The following C9 variants were observed in gnomAD, a reference collection of about 807,000 sequenced individuals.
C9 encodes the protein complement component C9.
Under a neutral mutation model 65.4 loss-of-function variants are expected in C9, and 63 were observed. That is an observed-to-expected ratio of 0.96 (90% CI 0.79 to 1.19). C9 has a LOEUF of 1.19. Ranked by LOEUF, C9 falls within the 50% of genes most tolerant of loss-of-function variation. The pLI, the probability that C9 is intolerant of heterozygous loss-of-function variation, is 0.00. For missense variants in C9, 744 were observed against 670.1 expected (o/e 1.11, Z -1.22); for synonymous variants, 229 against 227.9 (o/e 1.00, Z -0.04).
At chr5:39,361,409 G>T (rs1330770197) in intron 1 of C9, among the ~76,000 whole-genome samples, 2 of 152,074 alleles carry the variant, frequency 1.3e-5, no homozygotes, top group South Asian at 2.1e-4. Flanking sequence ...TTTTATTTTT[G>T]ATCTTTGAAC....
At position 39,343,436 on chromosome 5, in the gene C9, T is replaced by C. The variant is rs372008674; in HGVS notation, c.78-1240A>G. Among the ~76,000 whole-genome samples the C allele has an allele frequency of 5.8e-4, 89 of 152,254 alleles. 3 individuals carry two copies. The South Asian group carries it at 0.017, about 30-fold the overall frequency. On this transcript the variant is annotated intron_variant, in intron 1 of 10. Transcript: ENST00000263408. ...CATGGAGACTTGCTCATTGCTAGCA[T>C]AGCAGTCTGAGATCAAACTGCAAGG...
intron 1 of C9, among the ~76,000 whole-genome samples, chr5:39,352,123 A>G (rs970668246): frequency 2.0e-4 from 31 of 152,216 alleles, no homozygotes; most frequent in Non-Finnish European, 3.2e-4. Flanking sequence ...GGCAGGAGAC[A>G]GAGAGTGAAG....
At chr5:39,320,329 A>C (rs1753644632) in intron 5 of C9, among the ~76,000 whole-genome samples, 2 of 152,188 alleles carry the variant, frequency 1.3e-5, no homozygotes, top group African/African-American at 4.8e-5. Context: ...GCATAAAAAA[A>C]CACAAACAAC....
At chr5:39,340,377 A>G (rs539091174) in intron 4 of C9, among the ~76,000 whole-genome samples, 53 of 152,322 alleles carry the variant, frequency 3.5e-4, no homozygotes, top group African/African-American at 1.3e-3. Context: ...AAAAATAGCA[A>G]CAAATCCACC....
chr5:39,355,181 G>C (rs1219450152), intron 1 of C9, among the ~76,000 whole-genome samples: 1 of 152,192 alleles, frequency 6.6e-6, no homozygotes, highest in African/African-American at 2.4e-5. Context: ...CTCAGTGAAT[G>C]CTGGTTCAGA....
intron 4 of C9, among the ~76,000 whole-genome samples, chr5:39,335,047 C>G (rs2111939623): frequency 6.6e-6 from 1 of 151,130 alleles, no homozygotes; most frequent in East Asian, 1.9e-4. Flanking sequence ...GGTTTTGACA[C>G]AAGCTCTCCA....
At chr5:39,344,764 G>A (rs1489097786) in intron 1 of C9, among the ~76,000 whole-genome samples, 5 of 152,204 alleles carry the variant, frequency 3.3e-5, no homozygotes, top group Admixed American at 6.5e-5. Flanking sequence ...GTTAAGGGCA[G>A]TCAGAGAGAA....
At chr5:39,355,585 A>G (rs1199030184) in intron 1 of C9, among the ~76,000 whole-genome samples, 1 of 152,122 alleles carries the variant, frequency 6.6e-6, no homozygotes, top group Non-Finnish European at 1.5e-5. Context: ...GATTCAATCT[A>G]TCACCATAGG....
Position 39,287,133 on chromosome 5 carries a change from C to G in C9, c.1645+1590G>C, listed in dbSNP as rs546535706. Among the ~76,000 whole-genome samples the G allele has an allele frequency of 5.3e-5, 8 of 151,934 alleles. No individual in the cohort carries two copies. In the East Asian group the frequency reaches 1.5e-3, roughly 29 times the overall value. ...ACCAGAATGAAATACTAAGCATAAA[C>G]TCTTAGGATTAGAAACATGACTAAA... is the stretch of plus-strand genomic sequence containing the variant. On this transcript the variant is annotated intron_variant, in intron 10 of 10. Transcript: ENST00000263408.
intron 6 of C9, among the ~76,000 whole-genome samples, chr5:39,313,638 C>G (rs955145333): frequency 6.6e-6 from 1 of 152,182 alleles, no homozygotes; most frequent in African/African-American, 2.4e-5. Context: ...CTCTAAGTAG[C>G]AAAGTTCTTG....
intron 5 of C9, among the ~76,000 whole-genome samples, chr5:39,330,478 G>A (rs958054601): frequency 6.6e-6 from 1 of 152,144 alleles, no homozygotes; most frequent in Non-Finnish European, 1.5e-5. Context: ...CAGGAAAACC[G>A]TAAAATGCAG....
intron 1 of C9, among the ~76,000 whole-genome samples, chr5:39,343,518 G>A (rs1189335333): frequency 1.3e-5 from 2 of 152,200 alleles, no homozygotes; most frequent in Admixed American, 1.3e-4. Context: ...TGTAAACAAA[G>A]CAGCCAGGAA....
At chr5:39,356,207 G>T (rs1754410846) in intron 1 of C9, among the ~76,000 whole-genome samples, 1 of 151,994 alleles carries the variant, frequency 6.6e-6, no homozygotes, top group African/African-American at 2.4e-5. Flanking sequence ...TTATAGATGG[G>T]AAACTAAAAA....
chr5:39,319,971 T>C (rs959253754), intron 5 of C9, among the ~76,000 whole-genome samples: 1 of 152,204 alleles, frequency 6.6e-6, no homozygotes, highest in African/African-American at 2.4e-5. Flanking sequence ...TTGTGGACCA[T>C]GCCAGATGAC....
chr5:39,289,138 G>T (rs1034975065), intron 9 of C9, among the ~76,000 whole-genome samples, 187 bp from the exon 10 acceptor site: 16 of 151,612 alleles, frequency 1.1e-4, no homozygotes, highest in African/African-American at 9.7e-5. Context: ...CTATCAGGGA[G>T]GTCATATTAC....
At chr5:39,347,414 C>A (rs970167484) in intron 1 of C9, among the ~76,000 whole-genome samples, 1 of 152,156 alleles carries the variant, frequency 6.6e-6, no homozygotes, top group African/African-American at 2.4e-5. Flanking sequence ...AGTGAACTCC[C>A]ATTCACAATT....
At position 39,359,829 on chromosome 5, in the gene C9, A is replaced by G. The variant is rs1364560154; in HGVS notation, c.77+4559T>C. Among the ~76,000 whole-genome samples the G allele has an allele frequency of 3.3e-5, 5 of 152,214 alleles. No homozygotes were observed. The East Asian group carries it at 9.6e-4, about 29-fold the overall frequency. Reference sequence around the variant, plus strand: ...ACTAGATTGTAAGCCCAGTGAGGGCAGGGACCCTCCGTAATGTGTTCAACA... The same window carrying G: ...ACTAGATTGTAAGCCCAGTGAGGGCGGGGACCCTCCGTAATGTGTTCAACA... On this transcript the variant is annotated intron_variant, in intron 1 of 10. Transcript: ENST00000263408.
intron 1 of C9, among the ~76,000 whole-genome samples, chr5:39,355,940 A>C (rs751975279): frequency 6.6e-6 from 1 of 152,070 alleles, no homozygotes; most frequent in Non-Finnish European, 1.5e-5. Context: ...TTTTAACTTA[A>C]TTACCTTTTT....
At chr5:39,288,104 T>C (rs1336941216) in intron 10 of C9, among the ~76,000 whole-genome samples, 2 of 151,982 alleles carry the variant, frequency 1.3e-5, no homozygotes, top group Non-Finnish European at 2.9e-5. Flanking sequence ...ATATCATTTA[T>C]ATAAAATTTA....
Sources: allele counts gnomAD v4.1 joint callset (sites outside exome capture counted in the v4.1 genomes callset), GRCh38; gene constraint gnomAD v4.1.1; transcripts MANE v1.5; gene names NCBI Gene and HGNC (gene_info 2026-07-23, HGNC 2026-07-21).